ARMC7: variants seen among roughly 807,000 people sequenced by gnomAD.
The protein encoded by ARMC7 is armadillo repeat-containing protein 7.
In ARMC7, 9 loss-of-function variants were observed where a neutral mutation model predicts 14.8. That is an observed-to-expected ratio of 0.61 (90% CI 0.37 to 1.06). ARMC7 has a LOEUF of 1.06. Among genes scored for constraint, ARMC7 ranks in the 50% least tolerant of loss-of-function variants. The pLI, the probability that ARMC7 is intolerant of heterozygous loss-of-function variation, is 0.01. For missense variants in ARMC7, 262 were observed against 267.1 expected (o/e 0.98, Z 0.13); for synonymous variants, 125 against 123.4 (o/e 1.01, Z -0.09).
In ARMC7 at chr17:75,130,216, G is replaced by A. The variant is rs2074094564; in HGVS notation, c.*1178G>A. The A allele has an allele frequency of 2.1e-6, 1 of 473,426 alleles. No individual in the cohort carries two copies. Among genetic ancestry groups the A allele is most frequent in the East Asian group, 3.8e-5 (1 of 26,102 alleles). The allele number at this position is 473,426 out of a possible 1,614,324, so 29.3% of individuals were successfully genotyped here. On this transcript the variant is annotated 3_prime_UTR_variant, in exon 3 of 3. Transcript: ENST00000245543. ...GTCCCTTTATGTTCCCAAATAAAGG[G>A]TCCTAGAAGACTAGAAAGCCAAGGT...
intron 2 of ARMC7, among the ~76,000 whole-genome samples, chr17:75,120,813 C>CAA (rs145302822): frequency 3.7e-5 from 3 of 81,704 alleles, no homozygotes; most frequent in African/African-American, 3.8e-5. Flanking sequence ...GACTCGGTCT[C>CAA]AAAAAAAAAA....
chr17:75,121,469 G>A (rs2074013204), intron 2 of ARMC7, among the ~76,000 whole-genome samples: 1 of 152,166 alleles, frequency 6.6e-6, no homozygotes, highest in Non-Finnish European at 1.5e-5. Context: ...CTGGAGCACA[G>A]TTGGCACAAT....
In ARMC7 at chr17:75,128,924, G is replaced by A; in HGVS notation, c.483G>A (p.Gln161=). Reference sequence around the variant, plus strand: ...GCGCCAGGCTCCGGAACCTGGCACAGATCTTCCTGGAGGACTTCTGCTCCC... The same window carrying A: ...GCGCCAGGCTCCGGAACCTGGCACAAATCTTCCTGGAGGACTTCTGCTCCC... ...SASARLRNLA[Q]IFLEDFCSPR... is the part of the protein sequence containing the mutation. Residue 161 remains glutamine, a synonymous_variant, in exon 3 of 3, where the codon CAG becomes CAA. Coordinates refer to ENST00000245543, the MANE Select transcript of ARMC7 (RefSeq NM_024585.4). 1.2e-6 allele frequency: 2 copies of A among 1,608,564 alleles called. No individual in the cohort carries two copies. The highest frequency in any genetic ancestry group is 1.7e-6 in the Non-Finnish European group (2 of 1,179,756).
rs962422882 is a variant in ARMC7 at position 75,127,315 on chromosome 17, C to A, written c.236-1362C>A. On this transcript the variant is annotated intron_variant, in intron 2 of 2. Transcript: ENST00000245543. ...GAATGAAAAACAAATGTTAGGTCAG[C>A]CGCCTAACATTGAGACGTAGTATTT... Among the ~76,000 whole-genome samples the A allele has an allele frequency of 4.6e-5, 7 of 152,340 alleles. No individual in the cohort carries two copies. The East Asian group carries it at 1.2e-3, about 25-fold the overall frequency.
At chr17:75,112,267 C>G (rs867902211) in intron 2 of ARMC7, among the ~76,000 whole-genome samples, 4 of 152,132 alleles carry the variant, frequency 2.6e-5, no homozygotes, top group African/African-American at 9.7e-5. Flanking sequence ...TTGAAGCAAA[C>G]AAAATTTTGA....
intron 2 of ARMC7, among the ~76,000 whole-genome samples, chr17:75,113,791 C>T (rs1390818191): frequency 1.3e-5 from 2 of 152,230 alleles, no homozygotes; most frequent in Non-Finnish European, 2.9e-5. Context: ...CATGTGTGTG[C>T]GGATTCACAC....
chr17:75,118,479 C>T (rs1301793354), intron 2 of ARMC7, among the ~76,000 whole-genome samples: 3 of 152,192 alleles, frequency 2.0e-5, no homozygotes, highest in Non-Finnish European at 2.9e-5. Flanking sequence ...CTCTGTGTGG[C>T]GGTCTCTTTC....
rs2291027 is a variant in ARMC7 at position 75,129,078 on chromosome 17, A to G, written c.*40A>G. ...GAGACCGTGGCACCCCTACTGCTGG[A>G]GACCACAGTCCTGATGTGGACGCAG... is the stretch of plus-strand genomic sequence containing the variant. On this transcript the variant is annotated 3_prime_UTR_variant, in exon 3 of 3. Transcript: ENST00000245543. 0.6 allele frequency: 940,632 copies of G among 1,556,600 alleles called. 297,523 individuals are homozygous for G. Among genetic ancestry groups the G allele is most frequent in the Non-Finnish European group, 0.65 (753,011 of 1,156,494 alleles).
chr17:75,112,488 T>C lies in ARMC7; in HGVS notation c.235+1882T>C, dbSNP rs115036295. Among the ~76,000 whole-genome samples the C allele has an allele frequency of 4.7e-3, 721 of 152,258 alleles. 9 individuals are homozygous for C. Among genetic ancestry groups the C allele is most frequent in the African/African-American group, 0.016 (668 of 41,550 alleles). On this transcript the variant is annotated intron_variant, in intron 2 of 2. Transcript: ENST00000245543. ...AGGCTTCTCCACTGTAAAATTACTC[T>C]TTCTTTCCCCTCTTTACGTATGATA...
At chr17:75,118,299 T>C (rs1367967736) in intron 2 of ARMC7, among the ~76,000 whole-genome samples, 1 of 152,166 alleles carries the variant, frequency 6.6e-6, no homozygotes, top group African/African-American at 2.4e-5. Context: ...ACTCAAGATT[T>C]TCCTTTATTT....
At chr17:75,120,552 G>A (rs111378340) in intron 2 of ARMC7, among the ~76,000 whole-genome samples, 9 of 152,006 alleles carry the variant, frequency 5.9e-5, no homozygotes, top group African/African-American at 1.7e-4. Context: ...CGGTGGCTCA[G>A]GCCTGTAATC....
intron 2 of ARMC7, among the ~76,000 whole-genome samples, chr17:75,122,447 C>T (rs1318665766): frequency 6.6e-6 from 1 of 151,962 alleles, no homozygotes; most frequent in South Asian, 2.1e-4. Context: ...CCGCAACCTC[C>T]GCCTCCTGGG....
Position 75,110,581 on chromosome 17 carries a change from T to A in ARMC7, c.210T>A (p.Asn70Lys), listed in dbSNP as rs138864794. 7 of 1,614,094 alleles carry A rather than the reference T, an allele frequency of 4.3e-6. No individual in the cohort carries two copies. The African/African-American group carries it at 8.0e-5, about 18-fold the overall frequency. Residue 70 changes from asparagine (N) to lysine (K), a missense_variant, in exon 2 of 3, where the codon AAT becomes AAA. Physicochemically the swap from Asn to Lys is moderately conservative, Grantham distance 94 (BLOSUM62 0). Coordinates refer to ENST00000245543, the MANE Select transcript of ARMC7 (RefSeq NM_024585.4). Reference protein sequence around the residue: ...DLFLDSLSEENETLVEFAIGG... With the variant: ...DLFLDSLSEEKETLVEFAIGG... Reference sequence around the variant, plus strand: ...TTCTCGATTCGCTGTCGGAGGAGAATGAGACCCTGGTGGAGTTTGCTATTG... The same window carrying A: ...TTCTCGATTCGCTGTCGGAGGAGAAAGAGACCCTGGTGGAGTTTGCTATTG...
At position 75,128,974 on chromosome 17, in the gene ARMC7, G is replaced by T; in HGVS notation, c.533G>T (p.Ser178Ile). 6.2e-7 allele frequency: 1 copy of T among 1,602,212 alleles called. No individual in the cohort carries two copies. ...CCCCGCCAGGTGGCCGAGGCCCGCA[G>T]CCGGCAGGCGCACTCTGCCCTGGGT... is the stretch of plus-strand genomic sequence containing the variant. ...CSPRQVAEAR[S>I]RQAHSALGIP... is the part of the protein sequence containing the mutation. The change falls in exon 3 of 3, where the codon AGC becomes ATC. Residue 178 changes from serine (S) to isoleucine (I), a missense_variant. Physicochemically the swap from Ser to Ile is moderately radical, Grantham distance 142. Transcript: ENST00000245543.
At chr17:75,120,682 C>G (rs936753358) in intron 2 of ARMC7, among the ~76,000 whole-genome samples, 1 of 151,716 alleles carries the variant, frequency 6.6e-6, no homozygotes, top group East Asian at 1.9e-4. Flanking sequence ...GGCATGGTGG[C>G]GGGCACCTGT....
chr17:75,129,197 C>T lies in ARMC7; in HGVS notation c.*159C>T, dbSNP rs2074080902. ...GACAGGCATTTACACTGATGAAACG[C>T]CACTGGGAGTGAGGAAGCCAGACTC... On this transcript the variant is annotated 3_prime_UTR_variant, in exon 3 of 3. Transcript: ENST00000245543. 1 of 1,041,218 alleles carries T rather than the reference C, an allele frequency of 9.6e-7. No homozygotes were observed. Among genetic ancestry groups the T allele is most frequent in the Admixed American group, 3.0e-5 (1 of 33,886 alleles). 64.5% of individuals were successfully genotyped at this position (1,041,218 alleles called of 1,614,324 possible).
chr17:75,123,021 T>C (rs980572846), intron 2 of ARMC7, among the ~76,000 whole-genome samples: 1 of 150,146 alleles, frequency 6.7e-6, no homozygotes, highest in Non-Finnish European at 1.5e-5. Context: ...ACATGAATTA[T>C]TCTTTGGACA....
chr17:75,112,300 C>A (rs371328506), intron 2 of ARMC7, among the ~76,000 whole-genome samples: 1 of 152,108 alleles, frequency 6.6e-6, no homozygotes, highest in Non-Finnish European at 1.5e-5. Context: ...ATTCCTTTTT[C>A]AAGCAATGCA....
chr17:75,117,238 A>C lies in ARMC7; in HGVS notation c.235+6632A>C, dbSNP rs139190129. On this transcript the variant is annotated intron_variant, in intron 2 of 2. Transcript: ENST00000245543. ...ATTACAAGCACCCGCCACCACACCC[A>C]GCTAATTTTTGTATGTTTAGTAGAG... Among the ~76,000 whole-genome samples, 888 of 152,134 alleles carry C rather than the reference A, an allele frequency of 5.8e-3. 9 individuals are homozygous for C. Among genetic ancestry groups the C allele is most frequent in the African/African-American group, 0.02 (838 of 41,496 alleles).
Sources: allele counts gnomAD v4.1 joint callset (sites outside exome capture counted in the v4.1 genomes callset), GRCh38; gene constraint gnomAD v4.1.1; transcripts MANE v1.5; gene names NCBI Gene and HGNC (gene_info 2026-07-23, HGNC 2026-07-21).